Variants in NCKAP5L observed in about 807,000 individuals in gnomAD.
The protein encoded by NCKAP5L is NCK associated protein 5 like, also known as nck-associated protein 5-like.
Under a neutral mutation model 103.2 loss-of-function variants are expected in NCKAP5L, and 54 were observed. The observed-to-expected ratio is 0.52, with a 90% CI of 0.42 to 0.66. The LOEUF (loss-of-function observed/expected upper bound fraction) is 0.66, where lower values mean the gene tolerates loss of function less well. NCKAP5L is among the 30% of genes least tolerant of loss of function. The pLI is 0.00. For missense variants in NCKAP5L, 1,733 were observed against 1,750.6 expected (o/e 0.99, Z 0.18); for synonymous variants, 762 against 748.6 (o/e 1.02, Z -0.29).
intron 1 of NCKAP5L, among the ~76,000 whole-genome samples, chr12:49,808,449 A>G (rs1335238548): frequency 6.6e-6 from 1 of 152,180 alleles, no homozygotes; most frequent in Non-Finnish European, 1.5e-5. Context: ...CCTGCAGGAA[A>G]GCTTGGTGGT....
intron 6 of NCKAP5L, among the ~76,000 whole-genome samples, chr12:49,800,084 A>C: frequency 6.6e-6 from 1 of 152,162 alleles, no homozygotes; most frequent in Non-Finnish European, 1.5e-5. Flanking sequence ...AATCCCAGCT[A>C]CTCGGGAGGC....
Position 49,791,588 on chromosome 12 carries a change from T to A in NCKAP5L, c.*251A>T. ...CAGTGGCCTTTAACCCCCAGTCCCT[T>A]CCAGGAAGAGCCTTACTCTGGGTGA... On this transcript the variant is annotated 3_prime_UTR_variant, in exon 13 of 13. Transcript: ENST00000335999. The A allele has an allele frequency of 2.5e-6, 1 of 400,498 alleles. No individual in the cohort carries two copies. The highest frequency in any genetic ancestry group is 4.5e-6 in the Non-Finnish European group (1 of 224,658). The allele number at this position is 400,498 out of a possible 1,614,324, so 24.8% of individuals were successfully genotyped here.
At chr12:49,803,817 G>T in intron 3 of NCKAP5L, 105 bp downstream of exon 3, 2 of 1,422,874 alleles carry the variant, frequency 1.4e-6, no homozygotes, top group Non-Finnish European at 1.9e-6. Context: ...CCGAGAGGAA[G>T]GCCCATGGCA....
In NCKAP5L at chr12:49,797,518, T is replaced by TC. The variant is rs967693007; in HGVS notation, c.466-125dup. The stretch of plus-strand genomic sequence containing the variant: ...CAGAGCTGGCCTGGTTGTGTCTGTG[T>TC]CCCCAAAAGGAATTAACAGCAACTG... On this transcript the variant is annotated intron_variant, in intron 7 of 12. Coordinates refer to ENST00000335999, the MANE Select transcript of NCKAP5L (RefSeq NM_001037806.4). This position sits in a 1 kb window ranked among gnomAD's most constrained non-coding sequence, Gnocchi z 4.5. The TC allele has an allele frequency of 1.4e-6, 1 of 712,732 alleles. No homozygotes were observed. The highest frequency in any genetic ancestry group is 2.9e-5 in the Admixed American group (1 of 34,184). The allele number at this position is 712,732 out of a possible 1,614,324, so 44.2% of individuals were successfully genotyped here.
At chr12:49,794,738 C>T (rs1946002782) in intron 8 of NCKAP5L, 27 bp downstream of exon 8, 3 of 1,439,702 alleles carry the variant, frequency 2.1e-6, no homozygotes, top group Non-Finnish European at 2.7e-6. Flanking sequence ...CCCACCAAGC[C>T]CCTGTTGACT....
chr12:49,808,011 G>GT (rs1346693502), intron 1 of NCKAP5L, among the ~76,000 whole-genome samples: 1 of 152,258 alleles, frequency 6.6e-6, no homozygotes, highest in Admixed American at 6.5e-5. Context: ...ACAATGTAGA[G>GT]TATCTTTTCC....
intron 1 of NCKAP5L, among the ~76,000 whole-genome samples, chr12:49,806,594 G>A (rs896365615): frequency 6.6e-6 from 1 of 152,214 alleles, no homozygotes; most frequent in African/African-American, 2.4e-5. Context: ...ACCCGCCTGC[G>A]GGAGGAGGCA....
chr12:49,797,646 T>C lies in NCKAP5L; in HGVS notation c.466-252A>G, dbSNP rs1946073300. Among the ~76,000 whole-genome samples the C allele has an allele frequency of 6.6e-6, 1 of 152,162 alleles. No individual in the cohort carries two copies. The highest frequency in any genetic ancestry group is 2.1e-4 in the South Asian group (1 of 4,834). On this transcript the variant is annotated intron_variant, in intron 7 of 12. Coordinates refer to ENST00000335999, the MANE Select transcript of NCKAP5L (RefSeq NM_001037806.4). This position sits in a 1 kb window ranked among gnomAD's most constrained non-coding sequence, Gnocchi z 4.5. ...GGGCAGGCACCCTACATCCTTTTCT[T>C]GGTTGCCCCAGCCCCTACTCCCCAC...
intron 1 of NCKAP5L, among the ~76,000 whole-genome samples, chr12:49,814,068 C>G (rs1408023409): frequency 1.3e-5 from 2 of 151,882 alleles, no homozygotes; most frequent in African/African-American, 4.8e-5. Flanking sequence ...CTTGGCCTCC[C>G]AAAGCACTGG....
chr12:49,792,025 G>C lies in NCKAP5L; in HGVS notation c.3819C>G (p.Ser1273Arg). The change falls in exon 13 of 13, where the codon AGC (serine) becomes AGG (arginine). Residue 1273 changes from serine (S) to arginine (R), a missense_variant. Transcript: ENST00000335999. This position sits in a 1 kb window ranked among gnomAD's most constrained non-coding sequence, Gnocchi z 4.5. ...TAGGGGACGGGCGGCTGGGCTCCTG[G>C]CTTCGCTTCCGGTCCACGGGCAGGG... The part of the protein sequence containing the change: ...PMALPVDRKR[S>R]QEPSRPSPTP... The C allele has an allele frequency of 1.3e-6, 2 of 1,562,678 alleles. No individual in the cohort carries two copies. Among genetic ancestry groups the C allele is most frequent in the South Asian group, 1.2e-5 (1 of 84,030 alleles).
At position 49,792,843 on chromosome 12, in the gene NCKAP5L, G is replaced by T; in HGVS notation, c.3484C>A (p.Arg1162=). 1 of 1,561,456 alleles carries T rather than the reference G, an allele frequency of 6.4e-7. No individual in the cohort carries two copies. Among genetic ancestry groups the T allele is most frequent in the South Asian group, 1.2e-5 (1 of 84,436 alleles). The change falls in exon 11 of 13, where the codon CGG becomes AGG. Residue 1162 remains arginine (R), a synonymous_variant. Transcript: ENST00000335999. The surrounding 1 kb of genome is among the most constrained non-coding windows in gnomAD (Gnocchi z 4.5). The part of the protein sequence containing the change: ...LDPPPGVPPA[R]PPPLTKVPRR... ...GGGACTTTGGTAAGGGGTGGGGGCC[G>T]AGCTGGGGGTACCCCAGGTGGGGGA...
At position 49,815,921 on chromosome 12, in the gene NCKAP5L, TTCTTCCCACTTCAAA is replaced by T. The variant is rs1428682179; in HGVS notation, c.-98-9895_-98-9881del. Among the ~76,000 whole-genome samples, 3 of 152,160 alleles carry T rather than the reference TTCTTCCCACTTCAAA, an allele frequency of 2.0e-5. 1 individual carries two copies. In the South Asian group the frequency reaches 6.2e-4, roughly 31 times the overall value. On this transcript the variant is annotated intron_variant, in intron 1 of 12. Coordinates refer to ENST00000335999, the MANE Select transcript of NCKAP5L (RefSeq NM_001037806.4). ...TTCTAAAACTATAAATCTGATGGTGTTCTTCCCACTTCAAATCTTCCCACGACCTCCTACTGCTTT... is the reference window on the plus strand; with the variant it reads ...TTCTAAAACTATAAATCTGATGGTGTTCTTCCCACGACCTCCTACTGCTTT...
chr12:49,822,637 C>T (rs1375447193), intron 1 of NCKAP5L, among the ~76,000 whole-genome samples: 1 of 150,946 alleles, frequency 6.6e-6, no homozygotes, highest in African/African-American at 2.4e-5. Flanking sequence ...ACCTCTGCCT[C>T]CTGGGTTCAA....
At position 49,795,184 on chromosome 12, in the gene NCKAP5L, C is replaced by T. The variant is rs1364428881; in HGVS notation, c.2676G>A (p.Glu892=). 1.3e-6 allele frequency: 2 copies of T among 1,597,774 alleles called. No homozygotes were observed. Among genetic ancestry groups the T allele is most frequent in the Admixed American group, 1.8e-5 (1 of 55,884 alleles). ...AIEEKVMKGI[E]ENVLRLQGQE... Reference sequence around the variant, plus strand: ...GGCCCTGGAGCCGCAGCACGTTCTCCTCAATGCCCTTCATCACCTTCTCCT... The same window carrying T: ...GGCCCTGGAGCCGCAGCACGTTCTCTTCAATGCCCTTCATCACCTTCTCCT... Residue 892 remains glutamate (E), a synonymous_variant, in exon 8 of 13, where the codon GAG becomes GAA. Transcript: ENST00000335999.
At position 49,801,940 on chromosome 12, in the gene NCKAP5L, T is replaced by C; in HGVS notation, c.259A>G (p.Lys87Glu). 1 of 1,613,920 alleles carries C rather than the reference T, an allele frequency of 6.2e-7. No individual in the cohort carries two copies. The highest frequency in any genetic ancestry group is 8.5e-7 in the Non-Finnish European group (1 of 1,179,868). The change falls in exon 6 of 13, where the codon AAG (lysine) becomes GAG (glutamate). Residue 87 changes from lysine (K) to glutamate (E), a missense_variant. Coordinates refer to ENST00000335999, the MANE Select transcript of NCKAP5L (RefSeq NM_001037806.4). ...KDLREECIKLKKRVFDLERQN... is the reference protein window; with the variant it reads ...KDLREECIKLEKRVFDLERQN... Reference sequence around the variant, plus strand: ...CGTTCCAGGTCAAACACTCTCTTCTTCAGCTTGATGCACTCCTCTCGCAGG... The same window carrying C: ...CGTTCCAGGTCAAACACTCTCTTCTCCAGCTTGATGCACTCCTCTCGCAGG...
intron 1 of NCKAP5L, among the ~76,000 whole-genome samples, chr12:49,810,311 A>C (rs2137024741): frequency 6.6e-6 from 1 of 152,328 alleles, no homozygotes; most frequent in Non-Finnish European, 1.5e-5. Flanking sequence ...AGGCCGTCCT[A>C]GCCCAGCCGA....
intron 1 of NCKAP5L, among the ~76,000 whole-genome samples, chr12:49,811,688 C>G (rs1374628078): frequency 6.6e-6 from 1 of 152,050 alleles, no homozygotes; most frequent in African/African-American, 2.4e-5. Flanking sequence ...GTGGGAGGAT[C>G]ACTTGAGGGA....
In NCKAP5L at chr12:49,801,978, C is replaced by T. The variant is rs1309744557; in HGVS notation, c.232-11G>A. 1 of 1,613,352 alleles carries T rather than the reference C, an allele frequency of 6.2e-7. No individual in the cohort carries two copies. Among genetic ancestry groups the T allele is most frequent in the Non-Finnish European group, 8.5e-7 (1 of 1,179,692 alleles). On this transcript the variant is annotated splice_polypyrimidine_tract_variant and intron_variant, in intron 5 of 12. Transcript: ENST00000335999. Reference sequence around the variant, plus strand: ...CTCCTCTCGCAGGTCCTGCCGCCCACCCCGGGAAGTGCAGGAAGAAGAGGT... The same window carrying T: ...CTCCTCTCGCAGGTCCTGCCGCCCATCCCGGGAAGTGCAGGAAGAAGAGGT...
In NCKAP5L at chr12:49,792,231, G is replaced by A; in HGVS notation, c.3793-180C>T. 1 of 1,126,736 alleles carries A rather than the reference G, an allele frequency of 8.9e-7. No homozygotes were observed. Among genetic ancestry groups the A allele is most frequent in the Non-Finnish European group, 1.3e-6 (1 of 775,762 alleles). 69.8% of individuals were successfully genotyped at this position (1,126,736 alleles called of 1,614,324 possible). A position where few individuals can be genotyped will look rare whatever the true frequency, so the allele number is the denominator to read the frequency against. ...GTACAACTGAGAACAGTCCTACAAG[G>A]TTCTGGGGAGGGACAGAAACCTTTC... On this transcript the variant is annotated intron_variant, in intron 12 of 12. Coordinates refer to ENST00000335999, the MANE Select transcript of NCKAP5L (RefSeq NM_001037806.4). The surrounding 1 kb of genome is among the most constrained non-coding windows in gnomAD (Gnocchi z 4.5).
Sources: gnomAD v4.1 joint callset for allele counts (sites outside exome capture counted in the v4.1 genomes callset) on GRCh38, gnomAD v4.1.1 for gene constraint, Gnocchi (gnomAD v3.1) non-coding constraint, MANE v1.5 for transcripts, NCBI Gene and HGNC (gene_info 2026-07-23, HGNC 2026-07-21) for gene names.